CTNNA2: variants seen among roughly 807,000 people sequenced by gnomAD.
The protein encoded by CTNNA2 is catenin alpha 2.
Under a neutral mutation model 101.0 loss-of-function variants are expected in CTNNA2, and 42 were observed. The ratio of observed to expected loss-of-function variants is 0.42; its 90% CI spans 0.32 to 0.54. CTNNA2 has a LOEUF of 0.54. Ranked by LOEUF, CTNNA2 falls within the 20% of genes least tolerant of loss-of-function variation. The pLI, the probability that CTNNA2 is intolerant of heterozygous loss-of-function variation, is 0.14. For missense variants in CTNNA2, 871 were observed against 1,223.1 expected, an observed-to-expected ratio of 0.71 and a Z score of 4.29; for synonymous variants, 450 against 456.4, an observed-to-expected ratio of 0.99 and a Z score of 0.18.
chr2:79,407,188 T>C (rs748449163), intron 4 of CTNNA2, among the ~76,000 whole-genome samples: 3 of 152,032 alleles, frequency 2.0e-5, no homozygotes, highest in Non-Finnish European at 4.4e-5. Context: ...GAAGAAATAA[T>C]ATTACAGTCT....
At chr2:79,999,117 C>T (rs1277416634) in intron 7 of CTNNA2, among the ~76,000 whole-genome samples, 1 of 152,084 alleles carries the variant, frequency 6.6e-6, no homozygotes, top group African/African-American at 2.4e-5. Flanking sequence ...GAGCCTTGGC[C>T]TTAGGCCTAG....
chr2:80,394,498 T>C (rs1202608618), intron 8 of CTNNA2, among the ~76,000 whole-genome samples: 1 of 152,200 alleles, frequency 6.6e-6, no homozygotes, highest in African/African-American at 2.4e-5. Context: ...AATACAACAT[T>C]GTCCTTTTAG....
At chr2:80,638,159 G>A (rs867699356) in intron 18 of CTNNA2, among the ~76,000 whole-genome samples, 6 of 152,022 alleles carry the variant, frequency 3.9e-5, no homozygotes, top group Non-Finnish European at 7.4e-5. Flanking sequence ...CTCTCCTATC[G>A]GTAAGGCAAA....
At chr2:80,596,455 G>GC (rs1410230021) in intron 15 of CTNNA2, among the ~76,000 whole-genome samples, 1 of 150,904 alleles carries the variant, frequency 6.6e-6, no homozygotes, top group Non-Finnish European at 1.5e-5. Flanking sequence ...GACTACAGGT[G>GC]CCCGCCACCA....
chr2:79,844,354 C>A (rs1409031435), intron 3 of CTNNA2, among the ~76,000 whole-genome samples: 1 of 152,136 alleles, frequency 6.6e-6, no homozygotes, highest in Admixed American at 6.5e-5. Flanking sequence ...TTTTGATGTA[C>A]TTCATAAGAA....
At chr2:79,750,123 G>C (rs1029597194) in intron 3 of CTNNA2, among the ~76,000 whole-genome samples, 5 of 152,204 alleles carry the variant, frequency 3.3e-5, no homozygotes, top group Non-Finnish European at 7.3e-5. Context: ...GGAATGCAAA[G>C]GAGTTATTCC....
intron 18 of CTNNA2, among the ~76,000 whole-genome samples, chr2:80,636,577 A>G (rs1007297433): frequency 6.6e-6 from 1 of 152,162 alleles, no homozygotes; most frequent in African/African-American, 2.4e-5. Context: ...GTCATCCTTT[A>G]CCAGGTAACA....
intron 15 of CTNNA2, among the ~76,000 whole-genome samples, chr2:80,601,399 T>C (rs1697498859): frequency 6.7e-6 from 1 of 150,054 alleles, no homozygotes; most frequent in Admixed American, 6.7e-5. Flanking sequence ...CTGGATTTAA[T>C]GACTTTTTTC....
intron 2 of CTNNA2, among the ~76,000 whole-genome samples, chr2:79,725,697 T>C (rs1432019629): frequency 6.6e-6 from 1 of 152,250 alleles, no homozygotes; most frequent in African/African-American, 2.4e-5. Context: ...TTCACATTTT[T>C]ATTTCTTTCT....
At chr2:79,877,268 A>G (rs1314823514) in intron 6 of CTNNA2, among the ~76,000 whole-genome samples, 1 of 152,138 alleles carries the variant, frequency 6.6e-6, no homozygotes, top group African/African-American at 2.4e-5. Context: ...CAATAATTCC[A>G]TTTGATGTGG....
intron 3 of CTNNA2, among the ~76,000 whole-genome samples, chr2:79,778,297 A>G (rs1333792950): frequency 3.9e-5 from 6 of 152,044 alleles, no homozygotes; most frequent in African/African-American, 1.5e-4. Flanking sequence ...GTGAGCCGAG[A>G]TCGCATCACT....
At chr2:79,614,363 CAT>C (rs1451977064) in intron 1 of CTNNA2, among the ~76,000 whole-genome samples, 1 of 152,042 alleles carries the variant, frequency 6.6e-6, no homozygotes, top group African/African-American at 2.4e-5. Context: ...GTTTTTCTGA[CAT>C]ATTATCAAAA....
rs563094791 is a variant in CTNNA2 at position 80,639,494 on chromosome 2, A to C, written c.2575-8091A>C. ...TAAAATGCTGGGATTATAGGCATGA[A>C]CCACCATGCCCAGCCTTGATGTGTG... On this transcript the variant is annotated intron_variant, in intron 18 of 18. Coordinates refer to ENST00000402739, the MANE Select transcript of CTNNA2 (RefSeq NM_001282597.3). Among the ~76,000 whole-genome samples, 18 of 136,678 alleles carry C rather than the reference A, an allele frequency of 1.3e-4. No individual in the cohort carries two copies. In the South Asian group the frequency reaches 4.1e-3, roughly 31 times the overall value. The allele number at this position is 136,678 out of a possible 152,430, so 89.7% of individuals were successfully genotyped here. A position where few individuals can be genotyped will look rare whatever the true frequency, so the allele number is the denominator to read the frequency against.
intron 7 of CTNNA2, among the ~76,000 whole-genome samples, chr2:79,923,265 C>T (rs1574321581): frequency 6.6e-6 from 1 of 152,106 alleles, no homozygotes; most frequent in Non-Finnish European, 1.5e-5. Context: ...GAGGCAACAA[C>T]CATAGCAGCC....
chr2:79,763,012 T>A (rs1672903288), intron 3 of CTNNA2, among the ~76,000 whole-genome samples: 3 of 152,210 alleles, frequency 2.0e-5, no homozygotes, highest in Admixed American at 6.5e-5. Flanking sequence ...ACCCAAGTGC[T>A]CTTATCCCCT....
intron 7 of CTNNA2, among the ~76,000 whole-genome samples, chr2:80,064,610 T>C (rs1417648738): frequency 6.6e-6 from 1 of 152,212 alleles, no homozygotes; most frequent in East Asian, 1.9e-4. Flanking sequence ...GCATGACTGG[T>C]AGGTACCCAG....
In CTNNA2 at chr2:79,214,973, T is replaced by C. The variant is rs13382634; in HGVS notation, c.-406+16897T>C. On this transcript the variant is annotated intron_variant, in intron 2 of 21. Coordinates refer to the CTNNA2 transcript ENST00000466387. ...TAATGTGGAGTGGGTAGCCTCCGTA[T>C]TGATTAAGAAGGGGACGGACTTACC... 8.2e-3 allele frequency among the ~76,000 whole-genome samples: 1,240 copies of C among 151,918 alleles called. 14 individuals are homozygous for C. The highest frequency in any genetic ancestry group is 0.028 in the African/African-American group (1,164 of 41,420).
At chr2:79,826,950 A>T (rs78544305) in intron 3 of CTNNA2, among the ~76,000 whole-genome samples, 2,236 of 152,300 alleles carry the variant, frequency 0.015, 39 homozygotes, top group East Asian at 0.039. Flanking sequence ...ATTAACAACA[A>T]CCAGGCTTAT....
intron 12 of CTNNA2, among the ~76,000 whole-genome samples, chr2:80,570,670 T>C (rs3755103): frequency 0.96 from 145,903 of 152,252 alleles, 69,937 homozygotes; most frequent in East Asian, 0.98. Context: ...ACTCTGAGCC[T>C]CTATTTTAAA....
Sources: allele counts gnomAD v4.1 joint callset (sites outside exome capture counted in the v4.1 genomes callset), GRCh38; gene constraint gnomAD v4.1.1; transcripts MANE v1.5; gene names NCBI Gene and HGNC (gene_info 2026-07-23, HGNC 2026-07-21).